The following TRIP12 variants were observed in gnomAD, a reference collection of about 807,000 sequenced individuals.
TRIP12 encodes the protein thyroid hormone receptor interactor 12.
In TRIP12, 25 loss-of-function variants were observed where a neutral mutation model predicts 244.2. The ratio of observed to expected loss-of-function variants is 0.10; its 90% CI spans 0.07 to 0.14. The LOEUF is 0.14. Ranked by LOEUF, TRIP12 falls within the 10% of genes least tolerant of loss-of-function variation. The pLI, the probability that TRIP12 is intolerant of heterozygous loss-of-function variation, is 1.00. For missense variants in TRIP12, 1,677 were observed against 2,486.4 expected (o/e 0.67, Z 6.92); for synonymous variants, 905 against 873.1 (o/e 1.04, Z -0.64).
intron 1 of TRIP12, among the ~76,000 whole-genome samples, chr2:229,885,706 A>G (rs1004538657): frequency 1.3e-5 from 2 of 152,212 alleles, no homozygotes; most frequent in African/African-American, 4.8e-5. Flanking sequence ...GTGGGAATGA[A>G]TAACCCTTAA....
In TRIP12 at chr2:229,791,259, G is replaced by A. The variant is rs2041449501; in HGVS notation, c.4416-8C>T. The A allele has an allele frequency of 6.2e-7, 1 of 1,613,592 alleles. No individual in the cohort carries two copies. The highest frequency in any genetic ancestry group is 1.1e-5 in the South Asian group (1 of 91,034). ...TCTCTCACAGGTTTATACCTAAAAT[G>A]ACAAGACAGTATATAAACCAAATGT... On this transcript the variant is annotated splice_region_variant and splice_polypyrimidine_tract_variant and intron_variant, in intron 29 of 41. Transcript: ENST00000675903.
At chr2:229,845,233 T>C (rs1465694866) in intron 4 of TRIP12, among the ~76,000 whole-genome samples, 1 of 152,196 alleles carries the variant, frequency 6.6e-6, no homozygotes, top group Admixed American at 6.5e-5. Context: ...TTACCACCCA[T>C]CATGTGAACT....
chr2:229,830,117 AC>A (rs2052925656), intron 7 of TRIP12, among the ~76,000 whole-genome samples: 1 of 152,170 alleles, frequency 6.6e-6, no homozygotes, highest in African/African-American at 2.4e-5. Flanking sequence ...AAAAATACAT[AC>A]CCATCCATAC....
At position 229,802,390 on chromosome 2, in the gene TRIP12, G is replaced by A. The variant is rs1295799432; in HGVS notation, c.3068C>T (p.Thr1023Met). ...GGATCCCATGGATCCCGATCCATTC[G>A]TACATGCCTTTGGTGGACTTGTCAA... ...SLLTSPPKAC[T>M]NGSGSMGSTT... Residue 1023 changes from threonine to methionine, a missense_variant, in exon 21 of 42, where the codon ACG (threonine) becomes ATG (methionine). By Grantham distance (81) the Thr-to-Met change is moderately conservative. This residue lies in a region of TRIP12 where 572 missense variants were observed against 867.8 expected (regional missense o/e 0.66). Coordinates refer to ENST00000675903, the MANE Select transcript of TRIP12 (RefSeq NM_001348323.3). 1.7e-5 allele frequency: 27 copies of A among 1,613,852 alleles called. No individual in the cohort carries two copies. The highest frequency in any genetic ancestry group is 2.2e-5 in the Non-Finnish European group (26 of 1,179,962).
chr2:229,814,169 C>T (rs1174404716), intron 12 of TRIP12, 64 bp downstream of exon 12: 4 of 1,581,582 alleles, frequency 2.5e-6, no homozygotes, highest in East Asian at 4.5e-5. Context: ...GTAGCCTGTA[C>T]AAATGTGGAT....
intron 1 of TRIP12, among the ~76,000 whole-genome samples, chr2:229,908,666 G>A (rs1018115320): frequency 3.3e-5 from 5 of 151,940 alleles, no homozygotes; most frequent in African/African-American, 1.2e-4. Flanking sequence ...CCGGGAGGCA[G>A]AGCTTCCAGT....
At chr2:229,898,718 G>A (rs561369631) in intron 1 of TRIP12, among the ~76,000 whole-genome samples, 2 of 151,806 alleles carry the variant, frequency 1.3e-5, no homozygotes, top group African/African-American at 4.8e-5. Context: ...TTAAAGACAG[G>A]GTCCCACTGT....
intron 33 of TRIP12, among the ~76,000 whole-genome samples, chr2:229,787,204 G>GA (rs2040311600): frequency 6.6e-6 from 1 of 152,102 alleles, no homozygotes; most frequent in African/African-American, 2.4e-5. Flanking sequence ...AATTTAGAAT[G>GA]AAAAAAGTTT....
chr2:229,767,517 T>C lies in TRIP12; in HGVS notation c.*37A>G. 1 of 1,546,304 alleles carries C rather than the reference T, an allele frequency of 6.5e-7. No homozygotes were observed. Among genetic ancestry groups the C allele is most frequent in the Admixed American group, 2.1e-5 (1 of 48,576 alleles). On this transcript the variant is annotated 3_prime_UTR_variant, in exon 42 of 42. Transcript: ENST00000675903. ...GAAAAGAAATCATGATTTGTTTCTTTTGCTGTAACAGGCAGACACTGCATT... is the reference window on the plus strand; with the variant it reads ...GAAAAGAAATCATGATTTGTTTCTTCTGCTGTAACAGGCAGACACTGCATT...
intron 2 of TRIP12, among the ~76,000 whole-genome samples, chr2:229,862,268 T>A (rs2060599601): frequency 6.6e-6 from 1 of 152,224 alleles, no homozygotes; most frequent in African/African-American, 2.4e-5. Flanking sequence ...GAGATTTAAT[T>A]TCTAAGAGTT....
intron 6 of TRIP12, among the ~76,000 whole-genome samples, chr2:229,832,819 A>G (rs568083054): frequency 6.6e-6 from 1 of 152,360 alleles, no homozygotes; most frequent in East Asian, 1.9e-4. Context: ...GCTTCTTCAC[A>G]TTATACAGAA....
intron 2 of TRIP12, among the ~76,000 whole-genome samples, chr2:229,863,461 C>A (rs993502837): frequency 6.6e-5 from 10 of 151,814 alleles, no homozygotes. Flanking sequence ...TACTGTATGT[C>A]AAAAAAACAG....
intron 6 of TRIP12, 22 bp downstream of exon 6, chr2:229,836,826 A>C (rs1411365877): frequency 9.5e-6 from 15 of 1,579,644 alleles, no homozygotes; most frequent in Middle Eastern, 1.7e-4. Context: ...ACGCATTTTA[A>C]AGCTAAGAAG....
At chr2:229,869,250 A>T (rs2062097636) in intron 2 of TRIP12, among the ~76,000 whole-genome samples, 1 of 152,208 alleles carries the variant, frequency 6.6e-6, no homozygotes, top group Non-Finnish European at 1.5e-5. Flanking sequence ...TCATTTCAGT[A>T]AAAAAGAAAG....
intron 5 of TRIP12, among the ~76,000 whole-genome samples, chr2:229,839,198 C>G (rs550714022): frequency 1.3e-5 from 2 of 152,188 alleles, no homozygotes; most frequent in Non-Finnish European, 2.9e-5. Context: ...CATGGTGTTA[C>G]AACTGTCTAC....
intron 2 of TRIP12, among the ~76,000 whole-genome samples, chr2:229,865,155 T>C (rs1245299276): frequency 2.0e-5 from 3 of 151,252 alleles, no homozygotes; most frequent in Non-Finnish European, 4.4e-5. Flanking sequence ...CCACAAAAAA[T>C]ACAAAAATTA....
chr2:229,845,021 C>T (rs747932114), intron 4 of TRIP12, among the ~76,000 whole-genome samples: 13 of 152,154 alleles, frequency 8.5e-5, no homozygotes, highest in Non-Finnish European at 1.3e-4. Context: ...TTCTCCTCCA[C>T]CATACTGATT....
intron 6 of TRIP12, among the ~76,000 whole-genome samples, chr2:229,835,725 C>A (rs2054641262): frequency 6.6e-6 from 1 of 152,138 alleles, no homozygotes; most frequent in Non-Finnish European, 1.5e-5. Flanking sequence ...ACATTAATAG[C>A]CTGCAGCTCC....
Position 229,778,778 on chromosome 2 carries a change from A to G in TRIP12, c.5209+98T>C, listed in dbSNP as rs2037132374. 8.8e-6 allele frequency: 12 copies of G among 1,362,778 alleles called. No homozygotes were observed. Among genetic ancestry groups the G allele is most frequent in the Non-Finnish European group, 1.1e-5 (11 of 975,148 alleles). The allele number at this position is 1,362,778 out of a possible 1,614,324, so 84.4% of individuals were successfully genotyped here. ...AAACAGAGGCTAAAAGAAAGCAAGTACAGCTGTCCATTAGAAATTAAATAT... is the reference window on the plus strand; with the variant it reads ...AAACAGAGGCTAAAAGAAAGCAAGTGCAGCTGTCCATTAGAAATTAAATAT... On this transcript the variant is annotated intron_variant, in intron 35 of 41. Coordinates refer to ENST00000675903, the MANE Select transcript of TRIP12 (RefSeq NM_001348323.3). This position sits in a 1 kb window ranked among gnomAD's most constrained non-coding sequence, Gnocchi z 4.1.
Sources: gnomAD v4.1 joint callset for allele counts (sites outside exome capture counted in the v4.1 genomes callset) on GRCh38, gnomAD v4.1.1 for gene constraint, gnomAD v4.1.1 regional missense constraint, Gnocchi (gnomAD v3.1) non-coding constraint, MANE v1.5 for transcripts, NCBI Gene and HGNC (gene_info 2026-07-23, HGNC 2026-07-21) for gene names.